TEP1: variants seen among roughly 807,000 people sequenced by gnomAD.
TEP1 encodes telomerase protein component 1.
A neutral mutation model predicts 306.3 loss-of-function variants in TEP1; 241 were observed. That is an observed-to-expected ratio of 0.79 (90% CI 0.71 to 0.88). TEP1 has a LOEUF of 0.88. Ranked by LOEUF, TEP1 falls within the 40% of genes least tolerant of loss-of-function variation. The probability of loss-of-function intolerance (pLI) is 0.00; values close to 1 mark genes in which losing one functional copy is unlikely to be tolerated. For missense variants in TEP1, 3,051 were observed against 3,276.1 expected (o/e 0.93, Z 1.68); for synonymous variants, 1,289 against 1,305.5 (o/e 0.99, Z 0.27).
At position 20,381,841 on chromosome 14, in the gene TEP1, A is replaced by G; in HGVS notation, c.4424+72T>C. ...GGTCTGGGAGCCAGTTGTTGAAGCT[A>G]TACAGAGGGCCCCGGCTCAAAGAAG... is the stretch of plus-strand genomic sequence containing the variant. On this transcript the variant is annotated intron_variant, in intron 30 of 54. Transcript: ENST00000262715. This position sits in a 1 kb window ranked among gnomAD's most constrained non-coding sequence, Gnocchi z 4.0. 1 of 1,584,856 alleles carries G rather than the reference A, an allele frequency of 6.3e-7. No homozygotes were observed. The highest frequency in any genetic ancestry group is 8.6e-7 in the Non-Finnish European group (1 of 1,166,888).
At position 20,387,964 on chromosome 14, in the gene TEP1, C is replaced by T; in HGVS notation, c.2625G>A (p.Gln875=). Residue 875 remains glutamine, a synonymous_variant, in exon 18 of 55, where the codon CAG becomes CAA. Coordinates refer to ENST00000262715, the MANE Select transcript of TEP1 (RefSeq NM_007110.5). ...TGTCCTCTTCCAGTGGCCGGAGAGA[C>T]TGGACCCCTGTCTTTCCTGGGGGTG... The part of the protein sequence containing the change: ...IPPPPGKTGV[Q]SLRPLEEDTP... 6.2e-7 allele frequency: 1 copy of T among 1,614,128 alleles called. No individual in the cohort carries two copies. The highest frequency in any genetic ancestry group is 8.5e-7 in the Non-Finnish European group (1 of 1,180,002).
chr14:20,368,938 C>A (rs1884648514), intron 53 of TEP1, 36 bp from the exon 54 acceptor site: 1 of 1,522,616 alleles, frequency 6.6e-7, no homozygotes. Flanking sequence ...ATGGTGAGTT[C>A]TCAGGGGCCC....
Position 20,371,198 on chromosome 14 carries a change from C to T in TEP1, c.7317+20G>A. The T allele has an allele frequency of 6.3e-7, 1 of 1,598,614 alleles. No homozygotes were observed. The highest frequency in any genetic ancestry group is 8.6e-7 in the Non-Finnish European group (1 of 1,165,774). On this transcript the variant is annotated intron_variant, in intron 51 of 54. Transcript: ENST00000262715. ...TCCTAGACGAATGTTTGCTTTAGCA[C>T]ACACTCAAATAGGACTTACCAAGAA...
chr14:20,394,709 ACCTCATGATCCACCTG>A (rs1368797989), intron 12 of TEP1, among the ~76,000 whole-genome samples: 2 of 151,978 alleles, frequency 1.3e-5, no homozygotes, highest in Non-Finnish European at 2.9e-5. Context: ...CAAACTCCTG[ACCTCATGATCCACCTG>A]CCTCGTGATC....
chr14:20,394,122 T>C (rs980162773), intron 12 of TEP1, among the ~76,000 whole-genome samples: 1 of 151,748 alleles, frequency 6.6e-6, no homozygotes, highest in Non-Finnish European at 1.5e-5. Context: ...CTCTGTTGCC[T>C]AGTCTGTGCA....
rs941612840 is a variant in TEP1, at chr14:20,400,949, A to C, written c.1549+35T>G. 5.6e-6 allele frequency: 9 copies of C among 1,602,294 alleles called. No homozygotes were observed. In the African/African-American group the frequency reaches 8.1e-5, roughly 14 times the overall value. On this transcript the variant is annotated intron_variant, in intron 9 of 54. Coordinates refer to ENST00000262715, the MANE Select transcript of TEP1 (RefSeq NM_007110.5). Reference sequence around the variant, plus strand: ...AAATGTGGAGGCATAAATGGGGAAGAGAAGGAGGGAATGTGATGGTCAAGG... The same window carrying C: ...AAATGTGGAGGCATAAATGGGGAAGCGAAGGAGGGAATGTGATGGTCAAGG...
In TEP1 at chr14:20,401,495, G is replaced by A. The variant is rs1393694153; in HGVS notation, c.1353C>T (p.His451=). The change falls in exon 8 of 55, where the codon CAC becomes CAT. Residue 451 remains histidine (H), a synonymous_variant. Coordinates refer to ENST00000262715, the MANE Select transcript of TEP1 (RefSeq NM_007110.5). ...LKKLVQRLHI[H]KPAQHVQALL... ...GGGCTTGAACGTGCTGGGCAGGCTT[G>A]TGGATGTGCAGTCGCTGAACCAGCT... 13 of 1,614,226 alleles carry A rather than the reference G, an allele frequency of 8.1e-6. No individual in the cohort carries two copies. The highest frequency in any genetic ancestry group is 1.1e-5 in the Non-Finnish European group (13 of 1,180,034).
chr14:20,368,760 G>T, intron 54 of TEP1, 38 bp downstream of exon 54: 1 of 1,303,600 alleles, frequency 7.7e-7, no homozygotes, highest in Non-Finnish European at 1.0e-6. Context: ...GTGTGCAGGC[G>T]CACGCACACA....
At chr14:20,406,133 C>A in intron 3 of TEP1, 100 bp downstream of exon 3, 1 of 1,159,328 alleles carries the variant, frequency 8.6e-7, no homozygotes, top group Middle Eastern at 2.6e-4. Flanking sequence ...TGTATCCCTA[C>A]CTTCCCCTTC....
Position 20,384,713 on chromosome 14 carries a change from G to A in TEP1, c.3108C>T (p.Ser1036=), listed in dbSNP as rs1375305619. The change falls in exon 22 of 55, where the codon AGC becomes AGT. Residue 1036 remains serine (S), a splice_region_variant and synonymous_variant. Coordinates refer to ENST00000262715, the MANE Select transcript of TEP1 (RefSeq NM_007110.5). The part of the protein sequence containing the change: ...LIYFRDSSFL[S]SVPDAWKSDF... ...CAGATTTCCAGGCATCTGGCACAGA[G>A]CTGACCACCAAAGACCCCAAAAGTT... The A allele has an allele frequency of 4.3e-6, 7 of 1,609,368 alleles. No individual in the cohort carries two copies. Among genetic ancestry groups the A allele is most frequent in the Non-Finnish European group, 5.9e-6 (7 of 1,179,864 alleles).
intron 12 of TEP1, among the ~76,000 whole-genome samples, chr14:20,395,132 A>C (rs1434275573): frequency 6.6e-6 from 1 of 152,234 alleles, no homozygotes; most frequent in Non-Finnish European, 1.5e-5. Flanking sequence ...AAAACCATGA[A>C]TCAGAGCAGA....
In TEP1 at chr14:20,380,370, A is replaced by G; in HGVS notation, c.4868T>C (p.Leu1623Pro). 6.2e-7 allele frequency: 1 copy of G among 1,614,188 alleles called. No homozygotes were observed. The highest frequency in any genetic ancestry group is 8.5e-7 in the Non-Finnish European group (1 of 1,180,028). ...QASILSQYPRLLPQQAANQPL... is the reference protein window; with the variant it reads ...QASILSQYPRPLPQQAANQPL... The stretch of plus-strand genomic sequence containing the variant: ...CTGGTTGGCTGCCTGCTGGGGCAGG[A>G]GCCGGGGGTACTGGCTGAGGATTGA... The change falls in exon 34 of 55, where the codon CTC (leucine) becomes CCC (proline). Residue 1623 changes from leucine to proline, a missense_variant. By Grantham distance (98) the Leu-to-Pro change is moderately conservative. Coordinates refer to ENST00000262715, the MANE Select transcript of TEP1 (RefSeq NM_007110.5).
At chr14:20,372,112 A>G (rs976001497) in intron 49 of TEP1, among the ~76,000 whole-genome samples, 2 of 152,084 alleles carry the variant, frequency 1.3e-5, no homozygotes, top group Non-Finnish European at 2.9e-5. Flanking sequence ...TGTGCCCTCT[A>G]CAGCCTGACC....
rs575853436 is a variant in TEP1 at position 20,403,747 on chromosome 14, G to A, written c.1170C>T (p.His390=). The part of the protein sequence containing the change: ...YNPRKHRAKR[H]PRRPPRSPGM... ...CTGGAGAGCGGGGTGGCCGGCGGGG[G>A]TGTCTCTTGGCCCGGTGCTTCCGAG... is the stretch of plus-strand genomic sequence containing the variant. The change falls in exon 6 of 55, where the codon CAC becomes CAT. Residue 390 remains histidine, a synonymous_variant. Coordinates refer to ENST00000262715, the MANE Select transcript of TEP1 (RefSeq NM_007110.5). 3 of 1,614,006 alleles carry A rather than the reference G, an allele frequency of 1.9e-6. No individual in the cohort carries two copies. Among genetic ancestry groups the A allele is most frequent in the Admixed American group, 1.7e-5 (1 of 60,026 alleles).
intron 9 of TEP1, among the ~76,000 whole-genome samples, chr14:20,398,124 A>T (rs1316810723): frequency 6.6e-6 from 1 of 151,962 alleles, no homozygotes; most frequent in Non-Finnish European, 1.5e-5. Context: ...TCACGCCTGT[A>T]ATCCCAGCAC....
chr14:20,368,338 T>C lies in TEP1; in HGVS notation c.*99A>G. 2 of 1,371,740 alleles carry C rather than the reference T, an allele frequency of 1.5e-6. No homozygotes were observed. Among genetic ancestry groups the C allele is most frequent in the Non-Finnish European group, 2.0e-6 (2 of 1,024,872 alleles). 85.0% of individuals were successfully genotyped at this position (1,371,740 alleles called of 1,614,324 possible). A position where few individuals can be genotyped will look rare whatever the true frequency, so the allele number is the denominator to read the frequency against. ...TTTTGACACTTCATTTTTATAATTA[T>C]CAAGAAATTATTAATTTTATAATTA... On this transcript the variant is annotated 3_prime_UTR_variant, in exon 55 of 55. Coordinates refer to ENST00000262715, the MANE Select transcript of TEP1 (RefSeq NM_007110.5).
In TEP1 at chr14:20,380,345, C is replaced by T; in HGVS notation, c.4893G>A (p.Gln1631=). ...GGTGGCAAAGAGGTGAGTCCAGGGG[C>T]TGGTTGGCTGCCTGCTGGGGCAGGA... ...PRLLPQQAAN[Q]PLDSPLCHQA... is the part of the protein sequence containing the mutation. The change falls in exon 34 of 55, where the codon CAG becomes CAA. Residue 1631 remains glutamine, a synonymous_variant. Coordinates refer to ENST00000262715, the MANE Select transcript of TEP1 (RefSeq NM_007110.5). The T allele has an allele frequency of 6.2e-7, 1 of 1,614,158 alleles. No individual in the cohort carries two copies. Among genetic ancestry groups the T allele is most frequent in the South Asian group, 1.1e-5 (1 of 91,080 alleles).
chr14:20,400,775 T>G (rs1392669054), intron 9 of TEP1: 3 of 584,110 alleles, frequency 5.1e-6, no homozygotes, highest in Non-Finnish European at 8.9e-6. Context: ...TAACTACATC[T>G]GGTATAATGA....
intron 44 of TEP1, among the ~76,000 whole-genome samples, 193 bp from the exon 45 acceptor site, chr14:20,374,003 G>A (rs1885024486): frequency 6.6e-6 from 1 of 152,048 alleles, no homozygotes; most frequent in African/African-American, 2.4e-5. Flanking sequence ...CCAAGAGGCT[G>A]TGTTTTCATG....
Sources: allele counts gnomAD v4.1 joint callset (sites outside exome capture counted in the v4.1 genomes callset), GRCh38; gene constraint gnomAD v4.1.1; non-coding constraint Gnocchi (gnomAD v3.1); transcripts MANE v1.5; gene names NCBI Gene and HGNC (gene_info 2026-07-23, HGNC 2026-07-21).